BCAR3: variants seen among roughly 807,000 people sequenced by gnomAD.
BCAR3 encodes the protein breast cancer anti-estrogen resistance protein 3.
In BCAR3, 37 loss-of-function variants were observed where a neutral mutation model predicts 80.1. The observed-to-expected ratio is 0.46, with a 90% CI of 0.36 to 0.61. The LOEUF is 0.61. Among genes scored for constraint, BCAR3 ranks in the 20% least tolerant of loss-of-function variants. BCAR3 has a pLI of 0.00. For missense variants in BCAR3, 978 were observed against 1,068.2 expected (o/e 0.92, Z 1.18); for synonymous variants, 389 against 418.9 (o/e 0.93, Z 0.87).
chr1:93,609,370 C>G (rs1557858754), intron 3 of BCAR3, among the ~76,000 whole-genome samples: 1 of 152,196 alleles, frequency 6.6e-6, no homozygotes. Context: ...CTGAGACTTA[C>G]TGATTCCATC....
intron 2 of BCAR3, among the ~76,000 whole-genome samples, chr1:93,712,946 T>TA (rs1384150420): frequency 6.6e-6 from 1 of 152,226 alleles, no homozygotes; most frequent in African/African-American, 2.4e-5. Context: ...GTCTAGATGT[T>TA]ATCAGCATTT....
intron 2 of BCAR3, among the ~76,000 whole-genome samples, chr1:93,784,105 T>C (rs760599524): frequency 6.6e-6 from 1 of 150,868 alleles, no homozygotes; most frequent in Admixed American, 6.6e-5. Context: ...TAGAAGTGGA[T>C]CCAACAGCCC....
chr1:93,591,815 G>A (rs1043592533), intron 4 of BCAR3, among the ~76,000 whole-genome samples: 2 of 152,184 alleles, frequency 1.3e-5, no homozygotes, highest in Non-Finnish European at 2.9e-5. Flanking sequence ...CCAGCTCAAT[G>A]GGGCAGAGGC....
intron 2 of BCAR3, among the ~76,000 whole-genome samples, chr1:93,815,800 G>T (rs893191625): frequency 6.6e-6 from 1 of 152,150 alleles, no homozygotes; most frequent in Non-Finnish European, 1.5e-5. Flanking sequence ...TATAAATGAG[G>T]AGTTCTAATG....
At chr1:93,740,619 C>T (rs1420914010) in intron 2 of BCAR3, among the ~76,000 whole-genome samples, 3 of 152,124 alleles carry the variant, frequency 2.0e-5, no homozygotes, top group Non-Finnish European at 1.5e-5. Context: ...CCCCTCACCC[C>T]ACATGCTGGC....
chr1:93,607,720 T>C (rs574123597), intron 3 of BCAR3, among the ~76,000 whole-genome samples: 36 of 152,240 alleles, frequency 2.4e-4, no homozygotes, highest in African/African-American at 7.7e-4. Flanking sequence ...TCTTTCCCTC[T>C]CCTGTGCCTT....
intron 3 of BCAR3, among the ~76,000 whole-genome samples, chr1:93,634,720 C>CAA (rs71588503): frequency 1.5e-4 from 19 of 129,502 alleles, no homozygotes; most frequent in African/African-American, 2.1e-4. Flanking sequence ...ACAACAACAA[C>CAA]AAAAAAAAAA....
intron 2 of BCAR3, among the ~76,000 whole-genome samples, chr1:93,814,836 G>A (rs1047683518): frequency 5.3e-5 from 8 of 152,156 alleles, no homozygotes; most frequent in South Asian, 4.1e-4. Flanking sequence ...TTTAATCCAC[G>A]GGGCTTTCAC....
In BCAR3 at chr1:93,837,232, A is replaced by G. The variant is rs866306219; in HGVS notation, c.-63+8335T>C. ...ACTCTGTCTCAAAAAAGTAAAAAATAAAAATAAAAAAATAAATAAATTACC... is the reference window on the plus strand; with the variant it reads ...ACTCTGTCTCAAAAAAGTAAAAAATGAAAATAAAAAAATAAATAAATTACC... On this transcript the variant is annotated intron_variant, in intron 2 of 13. Coordinates refer to the BCAR3 transcript ENST00000370244. Among the ~76,000 whole-genome samples, 64 of 152,226 alleles carry G rather than the reference A, an allele frequency of 4.2e-4. 2 individuals are homozygous for G. The highest frequency in any genetic ancestry group is 4.1e-3 in the Admixed American group (63 of 15,282).
At chr1:93,678,132 C>T (rs111598479) in intron 1 of BCAR3, among the ~76,000 whole-genome samples, 96 of 152,276 alleles carry the variant, frequency 6.3e-4, no homozygotes, top group African/African-American at 2.1e-3. Flanking sequence ...CAAGCCTCAG[C>T]CCAGAACAAT....
chr1:93,740,782 T>A (rs112466615), intron 2 of BCAR3, among the ~76,000 whole-genome samples: 2 of 152,128 alleles, frequency 1.3e-5, no homozygotes, highest in Non-Finnish European at 2.9e-5. Flanking sequence ...TCTTAGGTGA[T>A]AGGCATTAGG....
At chr1:93,837,618 C>CTGCTGGG (rs1654816286) in intron 2 of BCAR3, among the ~76,000 whole-genome samples, 1 of 152,226 alleles carries the variant, frequency 6.6e-6, no homozygotes, top group Admixed American at 6.5e-5. Flanking sequence ...AGCTCTGAGA[C>CTGCTGGG]TGCTGGGTCC....
At chr1:93,674,970 T>C in intron 1 of BCAR3, 29 bp from the exon 2 acceptor site, 1 of 1,488,420 alleles carries the variant, frequency 6.7e-7, no homozygotes, top group South Asian at 1.4e-5. Context: ...AGTGAAGGTA[T>C]AAATCTATGA....
chr1:93,830,156 CT>C lies in BCAR3; in HGVS notation c.-63+15410del, dbSNP rs536112156. Among the ~76,000 whole-genome samples the C allele has an allele frequency of 2.6e-5, 4 of 152,128 alleles. No individual in the cohort carries two copies. The East Asian group carries it at 7.7e-4, about 29-fold the overall frequency. The stretch of plus-strand genomic sequence containing the variant: ...GTGGAATCATGAGCCAATTAAACCT[CT>C]TTTTTTTATAAATTACCCAGTTTGG... On this transcript the variant is annotated intron_variant, in intron 2 of 13. Transcript: ENST00000370244.
chr1:93,684,492 A>G (rs1256815486), upstream of BCAR3, among the ~76,000 whole-genome samples: 1 of 152,226 alleles, frequency 6.6e-6, no homozygotes, highest in Non-Finnish European at 1.5e-5. Context: ...TGCCTAGCAC[A>G]TAGCAGGTTT....
intron 11 of BCAR3, among the ~76,000 whole-genome samples, chr1:93,564,230 G>A (rs1672828499): frequency 1.3e-5 from 2 of 150,508 alleles, no homozygotes; most frequent in Non-Finnish European, 3.0e-5. Context: ...TCAGATATAT[G>A]TGTACTCAAT....
chr1:93,637,433 A>G (rs236273), intron 3 of BCAR3, among the ~76,000 whole-genome samples: 43,966 of 152,046 alleles, frequency 0.29, 8,682 homozygotes, highest in African/African-American at 0.58. Context: ...GGGATTACAG[A>G]CATGAGCCAT....
At chr1:93,646,773 C>T (rs977536122) in intron 2 of BCAR3, among the ~76,000 whole-genome samples, 138 of 152,082 alleles carry the variant, frequency 9.1e-4, no homozygotes, top group African/African-American at 3.1e-3. Flanking sequence ...TAACTAAATG[C>T]TGAGTTATTG....
intron 3 of BCAR3, chr1:93,613,972 G>A (rs1233084718): frequency 6.5e-7 from 1 of 1,548,984 alleles, no homozygotes; most frequent in Non-Finnish European, 8.7e-7. Context: ...TTTCTTTAGG[G>A]TTAAAAGAAA....
Sources: gnomAD v4.1 joint callset for allele counts (sites outside exome capture counted in the v4.1 genomes callset) on GRCh38, gnomAD v4.1.1 for gene constraint, MANE v1.5 for transcripts, NCBI Gene and HGNC (gene_info 2026-07-23, HGNC 2026-07-21) for gene names.